The following FEZ2 variants were observed in gnomAD, a reference collection of about 807,000 sequenced individuals.
FEZ2 encodes the protein fasciculation and elongation protein zeta 2.
FEZ2 carries 51 observed loss-of-function variants against 40.4 expected under a neutral mutation model. The observed-to-expected ratio is 1.26, with a 90% CI of 1.01 to 1.59. The LOEUF (loss-of-function observed/expected upper bound fraction) is 1.59, where lower values mean the gene tolerates loss of function less well. FEZ2 is among the 40% of genes most tolerant of loss of function. The pLI, the probability that FEZ2 is intolerant of heterozygous loss-of-function variation, is 0.00. For synonymous variants in FEZ2, 242 were observed against 172.0 expected (o/e 1.41, Z -3.18); for missense variants, 640 against 438.3 (o/e 1.46, Z -4.11).
intron 5 of FEZ2, among the ~76,000 whole-genome samples, chr2:36,575,924 G>A (rs1380841144): frequency 3.3e-5 from 5 of 150,980 alleles, no homozygotes; most frequent in South Asian, 2.1e-4. Context: ...TATACTTAAC[G>A]AAAAACTTCA....
chr2:36,570,923 T>A (rs989549215), intron 5 of FEZ2, among the ~76,000 whole-genome samples: 3 of 152,192 alleles, frequency 2.0e-5, no homozygotes, highest in African/African-American at 7.2e-5. Context: ...TCCTGGCACA[T>A]TACAGCTTTT....
intron 1 of FEZ2, among the ~76,000 whole-genome samples, chr2:36,592,694 G>T (rs1180110646): frequency 6.6e-6 from 1 of 151,192 alleles, no homozygotes; most frequent in African/African-American, 2.4e-5. Flanking sequence ...ATGTGCCGCA[G>T]TCCCAGCTAC....
chr2:36,593,338 C>G (rs1270706841), intron 1 of FEZ2, among the ~76,000 whole-genome samples: 1 of 152,096 alleles, frequency 6.6e-6, no homozygotes, highest in African/African-American at 2.4e-5. Flanking sequence ...AGTAGGGACT[C>G]TGTGTGGGGG....
Position 36,552,486 on chromosome 2 carries a change from CATG to C in FEZ2, c.*674_*676del, listed in dbSNP as rs1558437166. On this transcript the variant is annotated 3_prime_UTR_variant, in exon 8 of 8. Transcript: ENST00000405912. ...CTTAAAGTACAATTCTTCACAGACA[CATG>C]AAGCAGAACATTTGAAAATCAAAAC... 1 of 255,544 alleles carries C rather than the reference CATG, an allele frequency of 3.9e-6. No homozygotes were observed. Among genetic ancestry groups the C allele is most frequent in the African/African-American group, 2.3e-5 (1 of 43,544 alleles). 15.8% of individuals were successfully genotyped at this position (255,544 alleles called of 1,614,324 possible). A position where few individuals can be genotyped will look rare whatever the true frequency, so the allele number is the denominator to read the frequency against.
chr2:36,587,631 T>C (rs1261270480), intron 2 of FEZ2, among the ~76,000 whole-genome samples: 1 of 148,446 alleles, frequency 6.7e-6, no homozygotes, highest in East Asian at 2.1e-4. Flanking sequence ...TTTTCTCTTT[T>C]TAATGCAAAA....
chr2:36,585,545 G>C (rs1194174587), intron 2 of FEZ2, among the ~76,000 whole-genome samples: 4 of 152,168 alleles, frequency 2.6e-5, no homozygotes, highest in Non-Finnish European at 5.9e-5. Flanking sequence ...AGATTACCTA[G>C]TGCGGTCCAT....
chr2:36,562,103 T>G (rs1317357458), intron 5 of FEZ2, among the ~76,000 whole-genome samples: 1 of 152,218 alleles, frequency 6.6e-6, no homozygotes, highest in Non-Finnish European at 1.5e-5. Flanking sequence ...AGAAGCACAT[T>G]TGTGAATCTA....
At chr2:36,569,770 A>T (rs1162898706) in intron 5 of FEZ2, among the ~76,000 whole-genome samples, 1 of 152,224 alleles carries the variant, frequency 6.6e-6, no homozygotes, top group Non-Finnish European at 1.5e-5. Context: ...GCCTCACCTG[A>T]CACCAACTGG....
intron 5 of FEZ2, among the ~76,000 whole-genome samples, chr2:36,571,051 C>G (rs946479520): frequency 4.6e-5 from 7 of 152,154 alleles, no homozygotes; most frequent in African/African-American, 1.7e-4. Flanking sequence ...ACCAGCCTAC[C>G]ACCAAAAACC....
intron 2 of FEZ2, among the ~76,000 whole-genome samples, chr2:36,589,217 C>T (rs1003349828): frequency 1.3e-5 from 2 of 152,180 alleles, no homozygotes; most frequent in Non-Finnish European, 2.9e-5. Flanking sequence ...ATATGATTAA[C>T]AAGAGAAGGC....
chr2:36,573,798 G>A (rs564499673), intron 5 of FEZ2, among the ~76,000 whole-genome samples: 2 of 152,338 alleles, frequency 1.3e-5, no homozygotes, highest in South Asian at 4.1e-4. Context: ...ATGGTCAACA[G>A]ATCAAACCCA....
At chr2:36,592,990 T>C (rs947679726) in intron 1 of FEZ2, among the ~76,000 whole-genome samples, 5 of 152,214 alleles carry the variant, frequency 3.3e-5, no homozygotes, top group African/African-American at 9.6e-5. Flanking sequence ...TTAGAGGCAA[T>C]GTCTGTGGAC....
In FEZ2 at chr2:36,552,875, A is replaced by G. The variant is rs1667853556; in HGVS notation, c.*288T>C. ...CAAATGGGCATACTGTCAGTTAATG[A>G]GAAATACAACTGCACATGCACAATT... On this transcript the variant is annotated 3_prime_UTR_variant, in exon 8 of 8. Transcript: ENST00000405912. The G allele has an allele frequency of 2.7e-6, 1 of 365,274 alleles. No individual in the cohort carries two copies. The highest frequency in any genetic ancestry group is 4.9e-6 in the Non-Finnish European group (1 of 204,382). 22.6% of individuals were successfully genotyped at this position (365,274 alleles called of 1,614,324 possible). A position where few individuals can be genotyped will look rare whatever the true frequency, so the allele number is the denominator to read the frequency against.
At chr2:36,576,120 G>A (rs1307617445) in intron 5 of FEZ2, among the ~76,000 whole-genome samples, 1 of 152,094 alleles carries the variant, frequency 6.6e-6, no homozygotes, top group African/African-American at 2.4e-5. Flanking sequence ...TAAAATGCTT[G>A]GTAAAATGTT....
Position 36,554,183 on chromosome 2 carries a change from C to T in FEZ2, c.1046-1004G>A, listed in dbSNP as rs3770806. The T allele has an allele frequency of 3.7e-3, 1,721 of 470,882 alleles. 39 individuals are homozygous for T. In the East Asian group the frequency reaches 0.048, roughly 13 times the overall value. The allele number at this position is 470,882 out of a possible 1,614,324, so 29.2% of individuals were successfully genotyped here. A position where few individuals can be genotyped will look rare whatever the true frequency, so the allele number is the denominator to read the frequency against. ...AACTGGGCTTACAGACAGGAGCCAG[C>T]GGCCCGAGCATGAGGAGCAGAATTA... On this transcript the variant is annotated intron_variant, in intron 7 of 7. Transcript: ENST00000405912.
intron 5 of FEZ2, among the ~76,000 whole-genome samples, chr2:36,570,816 C>T (rs1472010040): frequency 1.3e-5 from 2 of 152,202 alleles, no homozygotes; most frequent in African/African-American, 4.8e-5. Context: ...AAAAATACAG[C>T]ATTATAATCC....
At chr2:36,565,321 T>G (rs1351534586) in intron 5 of FEZ2, among the ~76,000 whole-genome samples, 1 of 152,188 alleles carries the variant, frequency 6.6e-6, no homozygotes. Context: ...AACCCAAACA[T>G]GTAACTACCT....
intron 5 of FEZ2, chr2:36,561,373 G>A (rs1394912917): frequency 1.3e-5 from 2 of 151,924 alleles, no homozygotes; most frequent in African/African-American, 2.4e-5. Flanking sequence ...CTCACTCTTC[G>A]GGCCACCTGC....
At chr2:36,558,802 C>T (rs1034585195) in intron 5 of FEZ2, 1 of 224,832 alleles carries the variant, frequency 4.4e-6, no homozygotes, top group African/African-American at 2.3e-5. Flanking sequence ...GGATGGTTTA[C>T]TCAATTTGTT....
Sources: allele counts gnomAD v4.1 joint callset (sites outside exome capture counted in the v4.1 genomes callset), GRCh38; gene constraint gnomAD v4.1.1; transcripts MANE v1.5; gene names NCBI Gene and HGNC (gene_info 2026-07-23, HGNC 2026-07-21).